Variants in CTDSPL2 observed in about 807,000 individuals in gnomAD.
CTDSPL2 encodes CTD small phosphatase-like protein 2.
CTDSPL2 carries 5 observed loss-of-function variants against 60.0 expected under a neutral mutation model. That is an observed-to-expected ratio of 0.08 (90% confidence interval 0.04 to 0.18). The LOEUF (loss-of-function observed/expected upper bound fraction) is 0.18. Among genes scored for constraint, CTDSPL2 ranks in the 10% least tolerant of loss-of-function variants. The pLI, the probability that CTDSPL2 is intolerant of heterozygous loss-of-function variation, is 1.00. For synonymous variants in CTDSPL2, 186 were observed against 189.3 expected (o/e 0.98, Z 0.14); for missense variants, 370 against 548.8 (o/e 0.67, Z 3.26).
At chr15:44,469,427 C>T (rs1306068789) in intron 2 of CTDSPL2, among the ~76,000 whole-genome samples, 2 of 152,082 alleles carry the variant, frequency 1.3e-5, no homozygotes, top group East Asian at 1.9e-4. Flanking sequence ...TAATTTTACA[C>T]TATTTTTTTT....
At chr15:44,434,147 A>C (rs1169977786) in intron 1 of CTDSPL2, among the ~76,000 whole-genome samples, 1 of 151,934 alleles carries the variant, frequency 6.6e-6, no homozygotes, top group Non-Finnish European at 1.5e-5. Flanking sequence ...CACGCTTGTA[A>C]TCCCAGCACT....
intron 2 of CTDSPL2, among the ~76,000 whole-genome samples, chr15:44,479,087 AAAAC>A (rs1232038722): frequency 6.6e-6 from 1 of 152,058 alleles, no homozygotes; most frequent in Non-Finnish European, 1.5e-5. Flanking sequence ...CAAAAAAAAA[AAAAC>A]AAGTTTTCTC....
rs1007527441 is a variant in CTDSPL2 at position 44,477,273 on chromosome 15, CTG to C, written c.187-6948_187-6947del. ...GGGGGCCAGGCTCAGTGGCTTATAC[CTG>C]TGATCCCAGCACTTTGGGAGGCCAA... On this transcript the variant is annotated intron_variant, in intron 2 of 12. Coordinates refer to ENST00000260327, the MANE Select transcript of CTDSPL2 (RefSeq NM_016396.3). 2.2e-4 allele frequency among the ~76,000 whole-genome samples: 33 copies of C among 152,220 alleles called. 1 individual carries two copies. The highest frequency in any genetic ancestry group is 3.4e-3 in the Middle Eastern group (1 of 292).
In CTDSPL2 at chr15:44,466,925, CGCG is replaced by C. The variant is rs2080707922; in HGVS notation, c.186+7726_186+7728del. Among the ~76,000 whole-genome samples, 6 of 151,912 alleles carry C rather than the reference CGCG, an allele frequency of 3.9e-5. No homozygotes were observed. The South Asian group carries it at 1.2e-3, about 31-fold the overall frequency. On this transcript the variant is annotated intron_variant, in intron 2 of 12. Coordinates refer to ENST00000260327, the MANE Select transcript of CTDSPL2 (RefSeq NM_016396.3). ...CTGCACTCCAGCCTGGGTGACACAG[CGCG>C]ACTCCGTCTCAAAAAACAAAACAAA...
At chr15:44,464,768 G>T (rs941446235) in intron 2 of CTDSPL2, among the ~76,000 whole-genome samples, 1 of 152,064 alleles carries the variant, frequency 6.6e-6, no homozygotes, top group Non-Finnish European at 1.5e-5. Flanking sequence ...ATGCAGTGGC[G>T]CTGTCTCAGC....
chr15:44,452,176 G>A (rs1022467046), intron 1 of CTDSPL2, among the ~76,000 whole-genome samples: 1 of 152,086 alleles, frequency 6.6e-6, no homozygotes, highest in African/African-American at 2.4e-5. Context: ...GTAAAATTTT[G>A]ACAAAAAGAT....
At chr15:44,502,494 A>G (rs1345021940) in intron 8 of CTDSPL2, among the ~76,000 whole-genome samples, 1 of 152,198 alleles carries the variant, frequency 6.6e-6, no homozygotes, top group African/African-American at 2.4e-5. Context: ...ATAAAGGGCC[A>G]GTTGTAAATA....
intron 5 of CTDSPL2, among the ~76,000 whole-genome samples, chr15:44,495,383 G>A (rs1310126947): frequency 1.3e-5 from 2 of 152,078 alleles, no homozygotes; most frequent in South Asian, 2.1e-4. Flanking sequence ...GAGATCGAGA[G>A]CATCCTAGCT....
rs904398715 is a variant in CTDSPL2 at position 44,521,937 on chromosome 15, C to CAAAAAAAAAAAA, written c.1335+546_1335+557dup. Among the ~76,000 whole-genome samples the CAAAAAAAAAAAA allele has an allele frequency of 1.3e-4, 8 of 60,764 alleles. 1 individual carries two copies. Among genetic ancestry groups the CAAAAAAAAAAAA allele is most frequent in the African/African-American group, 6.7e-4 (8 of 11,944 alleles). The allele number at this position is 60,764 out of a possible 152,430, so 39.9% of individuals were successfully genotyped here. ...TGGGCGACAGAGCGAGACTCCGTCT[C>CAAAAAAAAAAAA]AAAAAAAAAAAAAAAAAAAAAAAAA... On this transcript the variant is annotated intron_variant, in intron 12 of 12. Transcript: ENST00000260327.
intron 7 of CTDSPL2, among the ~76,000 whole-genome samples, chr15:44,498,974 T>G (rs1460571176): frequency 6.6e-6 from 1 of 152,190 alleles, no homozygotes; most frequent in Non-Finnish European, 1.5e-5. Context: ...GTATATATTT[T>G]TAATAATTAG....
intron 10 of CTDSPL2, among the ~76,000 whole-genome samples, chr15:44,518,302 G>A (rs1338301482): frequency 6.6e-6 from 1 of 152,112 alleles, no homozygotes; most frequent in Non-Finnish European, 1.5e-5. Context: ...ACAATTATTA[G>A]TAATGTTCAG....
intron 1 of CTDSPL2, among the ~76,000 whole-genome samples, chr15:44,456,810 C>T (rs570412934): frequency 2.1e-4 from 26 of 125,664 alleles, no homozygotes; most frequent in African/African-American, 6.5e-4. Flanking sequence ...GCTCTTGCTT[C>T]TCTAGTTATT....
intron 1 of CTDSPL2, chr15:44,448,071 C>T: frequency 4.1e-6 from 1 of 243,276 alleles, no homozygotes; most frequent in Middle Eastern, 5.4e-4. Context: ...GGCCAGTGGC[C>T]ATGTGATCCA....
At chr15:44,516,440 G>A (rs1201312261) in intron 10 of CTDSPL2, among the ~76,000 whole-genome samples, 4 of 152,138 alleles carry the variant, frequency 2.6e-5, no homozygotes, top group Non-Finnish European at 1.5e-5. Flanking sequence ...TAAAGCTGTG[G>A]TATCTTTTGT....
At chr15:44,471,890 T>C (rs2080818313) in intron 2 of CTDSPL2, among the ~76,000 whole-genome samples, 2 of 151,986 alleles carry the variant, frequency 1.3e-5, no homozygotes, top group Admixed American at 6.6e-5. Flanking sequence ...CTTCTTTCAC[T>C]TAGCATGTTT....
At chr15:44,510,923 T>C (rs1042239990) in intron 8 of CTDSPL2, among the ~76,000 whole-genome samples, 8 of 152,362 alleles carry the variant, frequency 5.3e-5, no homozygotes, top group South Asian at 4.1e-4. Context: ...TCTTGACTTA[T>C]ATATTTCTGT....
chr15:44,450,204 A>G (rs1316034093), intron 1 of CTDSPL2, among the ~76,000 whole-genome samples: 1 of 152,108 alleles, frequency 6.6e-6, no homozygotes, highest in East Asian at 1.9e-4. Flanking sequence ...ACCTATAAAT[A>G]TAATTTAAAT....
At chr15:44,509,590 AC>A in intron 8 of CTDSPL2, among the ~76,000 whole-genome samples, 1 of 152,292 alleles carries the variant, frequency 6.6e-6, no homozygotes, top group East Asian at 1.9e-4. Flanking sequence ...ATCTTAACAC[AC>A]AAAAAAATAG....
intron 12 of CTDSPL2, 126 bp downstream of exon 12, chr15:44,521,532 G>A (rs2081767717): frequency 2.0e-6 from 1 of 507,618 alleles, no homozygotes; most frequent in South Asian, 2.8e-5. Context: ...GGTCACAGGT[G>A]CCATCATAGG....
Sources: allele counts gnomAD v4.1 joint callset (sites outside exome capture counted in the v4.1 genomes callset), GRCh38; gene constraint gnomAD v4.1.1; transcripts MANE v1.5; gene names NCBI Gene and HGNC (gene_info 2026-07-23, HGNC 2026-07-21).